Variants in EXOC4 observed in about 807,000 individuals in gnomAD.
EXOC4 encodes exocyst complex component 4, also known as SEC8-like 1.
EXOC4 carries 71 observed loss-of-function variants against 107.2 expected under a neutral mutation model. The ratio of observed to expected loss-of-function variants is 0.66; its 90% CI spans 0.55 to 0.81. EXOC4 has a LOEUF of 0.81. EXOC4 is among the 30% of genes least tolerant of loss of function. The probability of loss-of-function intolerance (pLI) is 0.00; values close to 1 mark genes in which losing one functional copy is unlikely to be tolerated. For missense variants in EXOC4, 1,108 were observed against 1,189.6 expected (o/e 0.93, Z 1.01); for synonymous variants, 456 against 441.2 (o/e 1.03, Z -0.42).
intron 15 of EXOC4, among the ~76,000 whole-genome samples, chr7:133,999,526 G>A (rs1293033160): frequency 6.6e-6 from 1 of 152,100 alleles, no homozygotes; most frequent in Non-Finnish European, 1.5e-5. Context: ...TTTCTGATTT[G>A]TTTTACAATA....
At chr7:133,297,984 G>A (rs984635923) in intron 3 of EXOC4, among the ~76,000 whole-genome samples, 2 of 152,204 alleles carry the variant, frequency 1.3e-5, no homozygotes, top group Non-Finnish European at 2.9e-5. Context: ...TGGTCAGTCT[G>A]TGGCCAGATG....
intron 10 of EXOC4, among the ~76,000 whole-genome samples, chr7:133,713,015 G>A (rs1794926493): frequency 6.6e-6 from 1 of 152,200 alleles, no homozygotes; most frequent in African/African-American, 2.4e-5. Context: ...TGACGGAAAT[G>A]TTTTGGAAAT....
intron 11 of EXOC4, among the ~76,000 whole-genome samples, chr7:133,879,655 C>A (rs1001211155): frequency 6.6e-6 from 1 of 152,008 alleles, no homozygotes; most frequent in African/African-American, 2.4e-5. Context: ...ATAATTTATT[C>A]TTTCTGATGT....
chr7:133,848,638 C>T (rs1292612702), intron 11 of EXOC4, among the ~76,000 whole-genome samples: 1 of 152,220 alleles, frequency 6.6e-6, no homozygotes, highest in Non-Finnish European at 1.5e-5. Context: ...TCCCCCTCTA[C>T]CTGAAATATC....
intron 5 of EXOC4, among the ~76,000 whole-genome samples, chr7:133,332,486 G>A (rs1321163147): frequency 1.3e-5 from 2 of 152,094 alleles, no homozygotes; most frequent in South Asian, 2.1e-4. Context: ...ATGGTGGTGC[G>A]TGCCTGTAAT....
rs547167273 is a variant in EXOC4 at position 133,326,951 on chromosome 7, C to G, written c.763+9561C>G. On this transcript the variant is annotated intron_variant, in intron 5 of 17. Coordinates refer to ENST00000253861, the MANE Select transcript of EXOC4 (RefSeq NM_021807.4). ...CCTTGCTGCTGCCTTGCAGGTCAAT[C>G]TCAGACTGCTGTGCTAGCAATGAGT... Among the ~76,000 whole-genome samples, 25 of 152,344 alleles carry G rather than the reference C, an allele frequency of 1.6e-4. No homozygotes were observed. In the East Asian group the frequency reaches 4.6e-3, roughly 28 times the overall value.
intron 10 of EXOC4, among the ~76,000 whole-genome samples, chr7:133,639,327 T>C (rs1286837400): frequency 6.6e-6 from 1 of 152,160 alleles, no homozygotes; most frequent in Non-Finnish European, 1.5e-5. Context: ...TGTTACTGGG[T>C]CTGCTATATA....
intron 5 of EXOC4, among the ~76,000 whole-genome samples, chr7:133,350,824 T>C (rs1217246729): frequency 6.6e-6 from 1 of 152,010 alleles, no homozygotes; most frequent in Non-Finnish European, 1.5e-5. Flanking sequence ...TCCGTGCACA[T>C]GGGATGCGTT....
Position 133,817,507 on chromosome 7 carries a change from C to A in EXOC4, c.1697C>A (p.Thr566Asn). ...DPLKILANAD[T>N]MKVLGVQRPL... The stretch of plus-strand genomic sequence containing the variant: ...TTGAAGATTCTGGCCAACGCAGACA[C>A]CATGAAGGTGCTGGGAGTGCAGCGG... Residue 566 changes from threonine (T) to asparagine (N), a missense_variant, in exon 11 of 18, where the codon ACC (threonine) becomes AAC (asparagine). Thr to Asn is a moderately conservative substitution (Grantham distance 65). Transcript: ENST00000253861. 2 of 1,614,084 alleles carry A rather than the reference C, an allele frequency of 1.2e-6. No homozygotes were observed. Among genetic ancestry groups the A allele is most frequent in the Non-Finnish European group, 1.7e-6 (2 of 1,179,982 alleles).
Position 134,065,334 on chromosome 7 carries a change from A to G in EXOC4, c.*806A>G, listed in dbSNP as rs919550721. 1 of 151,984 alleles carries G rather than the reference A, an allele frequency of 6.6e-6. No individual in the cohort carries two copies. Among genetic ancestry groups the G allele is most frequent in the Non-Finnish European group, 1.5e-5 (1 of 68,036 alleles). 9.4% of individuals were successfully genotyped at this position (151,984 alleles called of 1,614,324 possible). Reference sequence around the variant, plus strand: ...GAGAATAATGGTTAGAGAACATTGCATCTCACTTGAAACATCCTTTGGGGG... The same window carrying G: ...GAGAATAATGGTTAGAGAACATTGCGTCTCACTTGAAACATCCTTTGGGGG... On this transcript the variant is annotated 3_prime_UTR_variant, in exon 18 of 18. Coordinates refer to ENST00000253861, the MANE Select transcript of EXOC4 (RefSeq NM_021807.4).
chr7:133,334,695 C>T (rs1795470636), intron 5 of EXOC4, among the ~76,000 whole-genome samples: 1 of 151,980 alleles, frequency 6.6e-6, no homozygotes, highest in African/African-American at 2.4e-5. Context: ...TTTTCTGATT[C>T]TCTCCCTCCT....
chr7:133,485,036 C>G lies in EXOC4; in HGVS notation c.1417+4898C>G, dbSNP rs1301089485. 2.0e-5 allele frequency among the ~76,000 whole-genome samples: 3 copies of G among 146,426 alleles called. 1 individual carries two copies. The highest frequency in any genetic ancestry group is 7.7e-5 in the African/African-American group (3 of 39,016). On this transcript the variant is annotated intron_variant, in intron 9 of 17. Coordinates refer to ENST00000253861, the MANE Select transcript of EXOC4 (RefSeq NM_021807.4). The stretch of plus-strand genomic sequence containing the variant: ...TGGAGGTTGCAGTGAGCCGAGATCG[C>G]GCCACTGTACTCCAACCTGGGAGAC...
chr7:133,832,995 A>G (rs994691747), intron 11 of EXOC4, among the ~76,000 whole-genome samples: 5 of 152,166 alleles, frequency 3.3e-5, no homozygotes, highest in African/African-American at 4.8e-5. Flanking sequence ...AGGCTCTCCT[A>G]TAGAAAATAT....
At chr7:133,389,745 TC>T (rs1796809456) in intron 7 of EXOC4, among the ~76,000 whole-genome samples, 2 of 152,214 alleles carry the variant, frequency 1.3e-5, no homozygotes, top group South Asian at 4.2e-4. Flanking sequence ...TAGTCTGTTT[TC>T]ACACTGCTGA....
At chr7:133,716,940 A>G (rs1795010007) in intron 10 of EXOC4, among the ~76,000 whole-genome samples, 1 of 152,174 alleles carries the variant, frequency 6.6e-6, no homozygotes, top group Non-Finnish European at 1.5e-5. Context: ...CTCCATCTTA[A>G]CAAAAAGAAA....
intron 9 of EXOC4, among the ~76,000 whole-genome samples, chr7:133,579,496 TA>T (rs1249854152): frequency 6.6e-6 from 1 of 152,134 alleles, no homozygotes; most frequent in Non-Finnish European, 1.5e-5. Flanking sequence ...CTTTTAGACT[TA>T]AAAAAATTTT....
intron 9 of EXOC4, among the ~76,000 whole-genome samples, chr7:133,547,115 G>A (rs951808249): frequency 6.6e-6 from 1 of 152,040 alleles, no homozygotes; most frequent in Non-Finnish European, 1.5e-5. Context: ...ATATGTTGGA[G>A]GTATTCCAGG....
intron 10 of EXOC4, among the ~76,000 whole-genome samples, chr7:133,760,432 G>T (rs995572009): frequency 2.0e-5 from 3 of 152,064 alleles, no homozygotes; most frequent in African/African-American, 7.2e-5. Flanking sequence ...GTAGGGGTGG[G>T]GCAGGAAAGT....
At chr7:133,659,812 A>G (rs1054196315) in intron 10 of EXOC4, among the ~76,000 whole-genome samples, 8 of 152,156 alleles carry the variant, frequency 5.3e-5, no homozygotes, top group Non-Finnish European at 1.2e-4. Context: ...TCCATTACAT[A>G]CACAGATTTT....
Sources: gnomAD v4.1 joint callset for allele counts (sites outside exome capture counted in the v4.1 genomes callset) on GRCh38, gnomAD v4.1.1 for gene constraint, MANE v1.5 for transcripts, NCBI Gene and HGNC (gene_info 2026-07-23, HGNC 2026-07-21) for gene names.